Variants in ZNF14 observed in about 807,000 individuals in gnomAD.
The protein encoded by ZNF14 is zinc finger protein 14, also known as gonadotropin inducible transcription repressor-4.
Under a neutral mutation model 11.3 loss-of-function variants are expected in ZNF14, and 9 were observed. That is an observed-to-expected ratio of 0.80 (90% CI 0.48 to 1.39). The LOEUF is 1.39. ZNF14 is among the 40% of genes most tolerant of loss of function. The pLI is 0.00. For synonymous variants in ZNF14, 239 were observed against 245.7 expected (o/e 0.97, Z 0.25); for missense variants, 711 against 763.9 (o/e 0.93, Z 0.82).
In ZNF14 at chr19:19,712,715, C is replaced by T. The variant is rs755931473; in HGVS notation, c.566G>A (p.Arg189Lys). The T allele has an allele frequency of 6.2e-7, 1 of 1,613,208 alleles. No individual in the cohort carries two copies. The change falls in exon 4 of 4, where the codon AGG (arginine) becomes AAG (lysine). Residue 189 changes from arginine (R) to lysine (K), a missense_variant. Arg to Lys is a conservative substitution (Grantham distance 26). Transcript: ENST00000344099. The part of the protein sequence containing the change: ...IYYQPFQRHE[R>K]THAGQKPYEC... ...ATAGGGTTTCTGTCCAGCATGAGTC[C>T]TTTCATGTCTTTGAAATGGCTGGTA...
Position 19,712,651 on chromosome 19 carries a change from C to G in ZNF14, c.630G>C (p.Gln210His). 2 of 1,613,752 alleles carry G rather than the reference C, an allele frequency of 1.2e-6. No homozygotes were observed. The highest frequency in any genetic ancestry group is 1.7e-6 in the Non-Finnish European group (2 of 1,179,954). Residue 210 changes from glutamine (Q) to histidine (H), a missense_variant, in exon 4 of 4, where the codon CAG becomes CAC. Physicochemically the swap from Gln to His is conservative, Grantham distance 24 (BLOSUM62 0). Coordinates refer to ENST00000344099, the MANE Select transcript of ZNF14 (RefSeq NM_021030.3). ...CAGTATGAGCATGTTTTTGAAAAGA[C>G]TGGTAATATATAAAGGTTTTTCCAC... ...KQCGKTFIYY[Q>H]SFQKHAHTGK... is the part of the protein sequence containing the mutation.
rs1288565613 is a variant in ZNF14 at position 19,726,949 on chromosome 19, G to A, written c.3+6007C>T. Among the ~76,000 whole-genome samples the A allele has an allele frequency of 2.2e-5, 3 of 133,678 alleles. 1 individual carries two copies. The highest frequency in any genetic ancestry group is 5.0e-5 in the Non-Finnish European group (3 of 60,100). The allele number at this position is 133,678 out of a possible 152,430, so 87.7% of individuals were successfully genotyped here. ...GACTGTTGGAAAAGTGCAGTATTAG[G>A]GTGGAAGTGTCCCGATTTTCCAGAT... On this transcript the variant is annotated intron_variant, in intron 1 of 3. Transcript: ENST00000344099.
intron 1 of ZNF14, among the ~76,000 whole-genome samples, chr19:19,730,725 T>C (rs1364115914): frequency 6.6e-6 from 1 of 151,996 alleles, no homozygotes; most frequent in East Asian, 1.9e-4. Flanking sequence ...CCAGCTTGAT[T>C]AACATGGAGA....
chr19:19,725,975 C>T lies in ZNF14; in HGVS notation c.3+6981G>A, dbSNP rs1455091244. Among the ~76,000 whole-genome samples, 5 of 130,054 alleles carry T rather than the reference C, an allele frequency of 3.8e-5. 1 individual carries two copies. The highest frequency in any genetic ancestry group is 1.1e-4 in the African/African-American group (4 of 35,084). The allele number at this position is 130,054 out of a possible 152,430, so 85.3% of individuals were successfully genotyped here. On this transcript the variant is annotated intron_variant, in intron 1 of 3. Transcript: ENST00000344099. Reference sequence around the variant, plus strand: ...ACACTGTTTATTCTAGTTAGCCATTCGTCTAATCTTTTTTCAAGGTTTTTA... The same window carrying T: ...ACACTGTTTATTCTAGTTAGCCATTTGTCTAATCTTTTTTCAAGGTTTTTA...
At chr19:19,726,278 CT>C (rs2062406022) in intron 1 of ZNF14, among the ~76,000 whole-genome samples, 1 of 134,220 alleles carries the variant, frequency 7.5e-6, no homozygotes, top group Non-Finnish European at 1.7e-5. Flanking sequence ...TGTGGATGTC[CT>C]TTCTGTTTGT....
rs1238321055 is a variant in ZNF14 at position 19,711,683 on chromosome 19, C to CA, written c.1597dup (p.Cys533LeufsTer2). On this transcript the variant is annotated frameshift_variant, in exon 4 of 4. Coordinates refer to ENST00000344099, the MANE Select transcript of ZNF14 (RefSeq NM_021030.3). LOFTEE classifies it low-confidence loss of function (END_TRUNC). Reference sequence around the variant, plus strand: ...AAGGAAGGCCTTACCACATTGCTTACACTCAAAAGGCTTATTTCCAGTGTG... The same window carrying CA: ...AAGGAAGGCCTTACCACATTGCTTACAACTCAAAAGGCTTATTTCCAGTGTG... 1 of 1,614,130 alleles carries CA rather than the reference C, an allele frequency of 6.2e-7. No individual in the cohort carries two copies. Among genetic ancestry groups the CA allele is most frequent in the South Asian group, 1.1e-5 (1 of 91,074 alleles).
chr19:19,719,207 A>T lies in ZNF14; in HGVS notation c.4-4720T>A, dbSNP rs553280686. On this transcript the variant is annotated intron_variant, in intron 1 of 3. Coordinates refer to ENST00000344099, the MANE Select transcript of ZNF14 (RefSeq NM_021030.3). The stretch of plus-strand genomic sequence containing the variant: ...ATGGAAGAGAAATGAAAGCTTTATG[A>T]GATAAGAAAAGATAATCTGTCACTA... Among the ~76,000 whole-genome samples, 6 of 152,348 alleles carry T rather than the reference A, an allele frequency of 3.9e-5. No homozygotes were observed. In the South Asian group the frequency reaches 1.2e-3, roughly 32 times the overall value.
At position 19,726,014 on chromosome 19, in the gene ZNF14, G is replaced by A. The variant is rs1416825018; in HGVS notation, c.3+6942C>T. 1.5e-5 allele frequency among the ~76,000 whole-genome samples: 2 copies of A among 134,002 alleles called. 1 individual carries two copies. The highest frequency in any genetic ancestry group is 3.3e-5 in the Non-Finnish European group (2 of 60,268). The allele number at this position is 134,002 out of a possible 152,430, so 87.9% of individuals were successfully genotyped here. A position where few individuals can be genotyped will look rare whatever the true frequency, so the allele number is the denominator to read the frequency against. ...TCAAGGTTTTTAGCTTCTTTGCGAT[G>A]GGTCTGAACATCCTCCTTTAGCTCA... On this transcript the variant is annotated intron_variant, in intron 1 of 3. Transcript: ENST00000344099.
chr19:19,712,337 G>T lies in ZNF14; in HGVS notation c.944C>A (p.Ala315Asp). The T allele has an allele frequency of 6.2e-7, 1 of 1,613,828 alleles. No homozygotes were observed. The highest frequency in any genetic ancestry group is 1.3e-5 in the African/African-American group (1 of 75,002). ...KPYECKECGKAFFYSASFRAH... is the reference protein window; with the variant it reads ...KPYECKECGKDFFYSASFRAH... ...TCGAAAGCTTGCAGAATAAAAGAAG[G>T]CTTTTCCACATTCTTTACATTCATA... Residue 315 changes from alanine (A) to aspartate (D), a missense_variant, in exon 4 of 4, where the codon GCC (alanine) becomes GAC (aspartate). By Grantham distance (126) the Ala-to-Asp change is moderately radical. Coordinates refer to ENST00000344099, the MANE Select transcript of ZNF14 (RefSeq NM_021030.3).
At chr19:19,731,460 C>T (rs1047830559) in intron 1 of ZNF14, among the ~76,000 whole-genome samples, 2 of 152,036 alleles carry the variant, frequency 1.3e-5, no homozygotes, top group African/African-American at 2.4e-5. Context: ...CCTGTAATCC[C>T]AGCTATGCAG....
At chr19:19,721,962 CAAAAAAA>C (rs36021998) in intron 1 of ZNF14, among the ~76,000 whole-genome samples, 1 of 107,184 alleles carries the variant, frequency 9.3e-6, no homozygotes, top group African/African-American at 3.5e-5. Context: ...GACTCAGTCT[CAAAAAAA>C]AAAAAAAAAA....
At position 19,712,999 on chromosome 19, in the gene ZNF14, C is replaced by G; in HGVS notation, c.282G>C (p.Lys94Asn). The G allele has an allele frequency of 6.2e-7, 1 of 1,614,068 alleles. No homozygotes were observed. The highest frequency in any genetic ancestry group is 1.7e-5 in the Admixed American group (1 of 60,016). The change falls in exon 4 of 4, where the codon AAG (lysine) becomes AAC (asparagine). Residue 94 changes from lysine (K) to asparagine (N), a missense_variant. Transcript: ENST00000344099. ...GTGGTTTTGCTCCAGTAAAAGTTTC[C>G]TTGTTGATATTAACATTTGGCATCT... ...TSQMPNVNIN[K>N]ETFTGAKPHE...
chr19:19,732,898 C>T, intron 1 of ZNF14, 58 bp downstream of exon 1: 2 of 1,603,796 alleles, frequency 1.2e-6, no homozygotes, highest in Non-Finnish European at 8.5e-7. Context: ...TCCCCGGCCT[C>T]GGCCACAGAC....
rs1474239979 is a variant in ZNF14, at chr19:19,713,104, T to C, written c.192-15A>G. ...CCATATGACATCTGTAAAAAATGAA[T>C]AGCACATTATTAGTGGCTTTTTAAT... On this transcript the variant is annotated splice_polypyrimidine_tract_variant and intron_variant, in intron 3 of 3. Transcript: ENST00000344099. 3.9e-6 allele frequency: 6 copies of C among 1,546,088 alleles called. No homozygotes were observed. Among genetic ancestry groups the C allele is most frequent in the South Asian group, 1.3e-5 (1 of 79,672 alleles).
chr19:19,720,948 CTTACT>C lies in ZNF14; in HGVS notation c.4-6466_4-6462del, dbSNP rs140804853. On this transcript the variant is annotated intron_variant, in intron 1 of 3. Transcript: ENST00000344099. The surrounding 1 kb of genome is among the most constrained non-coding windows in gnomAD (Gnocchi z 4.1). ...GCATTCATAAGAACAACCTCCTACT[CTTACT>C]TTATTTATTTATTGATTTTTTTGAG... is the stretch of plus-strand genomic sequence containing the variant. Among the ~76,000 whole-genome samples, 5,423 of 151,502 alleles carry C rather than the reference CTTACT, an allele frequency of 0.036. 141 individuals are homozygous for C. The highest frequency in any genetic ancestry group is 0.057 in the South Asian group (275 of 4,828).
At chr19:19,719,350 C>A (rs1206315714) in intron 1 of ZNF14, among the ~76,000 whole-genome samples, 1 of 152,136 alleles carries the variant, frequency 6.6e-6, no homozygotes, top group Non-Finnish European at 1.5e-5. Flanking sequence ...TGTAATCTGA[C>A]AGATGAGTTT....
chr19:19,724,982 C>T (rs1364603995), intron 1 of ZNF14, among the ~76,000 whole-genome samples: 3 of 133,370 alleles, frequency 2.2e-5, no homozygotes, highest in South Asian at 4.9e-4. Context: ...TGTCTCTGCA[C>T]GTGAGATGGG....
chr19:19,714,409 G>A lies in ZNF14; in HGVS notation c.82C>T (p.Leu28Phe). 6.2e-7 allele frequency: 1 copy of A among 1,614,050 alleles called. No homozygotes were observed. The highest frequency in any genetic ancestry group is 1.1e-5 in the South Asian group (1 of 91,080). Residue 28 changes from leucine to phenylalanine, a missense_variant, in exon 2 of 4, where the codon CTC (leucine) becomes TTC (phenylalanine). Coordinates refer to ENST00000344099, the MANE Select transcript of ZNF14 (RefSeq NM_021030.3). The stretch of plus-strand genomic sequence containing the variant: ...GTCTCCTGCATCACATCTTCATAGA[G>A]CTTTTTCTGTGAAGAATCCAGCAAA... ...WALLDSSQKK[L>F]YEDVMQETFK...
chr19:19,730,914 AAAG>A (rs1419321751), intron 1 of ZNF14, among the ~76,000 whole-genome samples: 2 of 152,166 alleles, frequency 1.3e-5, no homozygotes, highest in African/African-American at 2.4e-5. Context: ...CTCCATCTCA[AAAG>A]AAGAAAGAAA....
Sources: gnomAD v4.1 joint callset for allele counts (sites outside exome capture counted in the v4.1 genomes callset) on GRCh38, gnomAD v4.1.1 for gene constraint, Gnocchi (gnomAD v3.1) non-coding constraint, MANE v1.5 for transcripts, NCBI Gene and HGNC (gene_info 2026-07-23, HGNC 2026-07-21) for gene names.